CNTN5: variants seen among roughly 807,000 people sequenced by gnomAD.
The protein encoded by CNTN5 is contactin 5.
A neutral mutation model predicts 129.1 loss-of-function variants in CNTN5; 77 were observed. The ratio of observed to expected loss-of-function variants is 0.60; its 90% CI spans 0.50 to 0.72. The LOEUF is 0.72. CNTN5 is among the 30% of genes least tolerant of loss of function. The probability of loss-of-function intolerance (pLI) is 0.00; values close to 1 mark genes in which losing one functional copy is unlikely to be tolerated. For synonymous variants in CNTN5, 509 were observed against 465.6 expected (o/e 1.09, Z -1.20); for missense variants, 1,478 against 1,328.8 (o/e 1.11, Z -1.75).
chr11:99,266,591 G>A (rs1449754145), intron 1 of CNTN5, among the ~76,000 whole-genome samples: 1 of 152,028 alleles, frequency 6.6e-6, no homozygotes, highest in South Asian at 2.1e-4. Flanking sequence ...AACAGAGCAA[G>A]ATCTTGTCTT....
rs116591618 is a variant in CNTN5 at position 99,498,300 on chromosome 11, G to A, written c.-70-57845G>A. ...ATTATCGCAGTTCAGTGTAAAGTCA[G>A]TGTGTCATTTGTTGCTATAGTTTTC... On this transcript the variant is annotated intron_variant, in intron 2 of 24. Coordinates refer to ENST00000524871, the MANE Select transcript of CNTN5 (RefSeq NM_014361.4). 5.9e-3 allele frequency among the ~76,000 whole-genome samples: 904 copies of A among 152,198 alleles called. 11 individuals are homozygous for A. The highest frequency in any genetic ancestry group is 0.021 in the African/African-American group (862 of 41,528).
chr11:99,287,398 T>C (rs1863983348), intron 1 of CNTN5, among the ~76,000 whole-genome samples: 1 of 152,068 alleles, frequency 6.6e-6, no homozygotes, highest in Non-Finnish European at 1.5e-5. Context: ...AAATAGTGCC[T>C]TTCAGATTAA....
chr11:99,234,264 G>C (rs961331128), intron 1 of CNTN5, among the ~76,000 whole-genome samples: 1 of 151,970 alleles, frequency 6.6e-6, no homozygotes, highest in East Asian at 1.9e-4. Flanking sequence ...TGTTGGACGG[G>C]GACGGGGGAT....
chr11:99,960,562 A>T (rs191755466), intron 8 of CNTN5, among the ~76,000 whole-genome samples: 4 of 152,264 alleles, frequency 2.6e-5, no homozygotes, highest in African/African-American at 9.6e-5. Flanking sequence ...TGTGTTTTTC[A>T]TACTAACTGA....
At chr11:99,970,396 T>G (rs746805385) in intron 8 of CNTN5, among the ~76,000 whole-genome samples, 2 of 152,224 alleles carry the variant, frequency 1.3e-5, no homozygotes, top group Admixed American at 6.5e-5. Context: ...CTACAATCTA[T>G]TTGCCTAATT....
intron 13 of CNTN5, among the ~76,000 whole-genome samples, chr11:100,148,733 ACG>A (rs1433120122): frequency 1.4e-5 from 2 of 142,754 alleles, no homozygotes; most frequent in Non-Finnish European, 3.0e-5. Flanking sequence ...ACAAACAAAC[ACG>A]TGTGGATAAT....
rs189488284 is a variant in CNTN5, at chr11:99,200,047, A to C, written c.-209-125299A>C. Among the ~76,000 whole-genome samples, 8 of 152,276 alleles carry C rather than the reference A, an allele frequency of 5.3e-5. No homozygotes were observed. In the South Asian group the frequency reaches 8.3e-4, roughly 16 times the overall value. On this transcript the variant is annotated intron_variant, in intron 1 of 24. Coordinates refer to ENST00000524871, the MANE Select transcript of CNTN5 (RefSeq NM_014361.4). ...CTGTTTCCTACTGTATTGCTTCCCA[A>C]TACTATACAGATTACCTAAATTTGT...
intron 2 of CNTN5, among the ~76,000 whole-genome samples, chr11:99,479,691 G>A (rs1294379491): frequency 6.6e-6 from 1 of 151,948 alleles, no homozygotes; most frequent in East Asian, 1.9e-4. Context: ...TTAAGTGATG[G>A]AACAGGCTCC....
At chr11:100,045,314 T>C (rs1942607831) in intron 9 of CNTN5, among the ~76,000 whole-genome samples, 3 of 152,166 alleles carry the variant, frequency 2.0e-5, no homozygotes, top group East Asian at 1.9e-4. Context: ...ATTTTAACTT[T>C]AGTCACCATG....
chr11:99,829,990 G>A (rs528921964), intron 4 of CNTN5, among the ~76,000 whole-genome samples: 1 of 152,122 alleles, frequency 6.6e-6, no homozygotes, highest in African/African-American at 2.4e-5. Flanking sequence ...TTTAGTAGGA[G>A]TAAACTTAAT....
intron 1 of CNTN5, among the ~76,000 whole-genome samples, chr11:99,147,591 T>A (rs2135479292): frequency 6.6e-6 from 1 of 152,276 alleles, no homozygotes; most frequent in South Asian, 2.1e-4. Context: ...ATAATATGTT[T>A]TTGAGAGAGC....
At chr11:99,778,639 G>T (rs112891648) in intron 3 of CNTN5, among the ~76,000 whole-genome samples, 2,780 of 151,568 alleles carry the variant, frequency 0.018, 60 homozygotes, top group Middle Eastern at 0.034. Context: ...GTTCATCATA[G>T]GTTAAAGCCC....
At chr11:100,146,675 T>A (rs1382201328) in intron 13 of CNTN5, among the ~76,000 whole-genome samples, 2 of 152,154 alleles carry the variant, frequency 1.3e-5, no homozygotes, top group African/African-American at 4.8e-5. Context: ...TATTCACTGT[T>A]GAAAATATAA....
intron 15 of CNTN5, among the ~76,000 whole-genome samples, chr11:100,221,965 C>T (rs1463850983): frequency 3.3e-5 from 5 of 152,176 alleles, no homozygotes; most frequent in Admixed American, 6.5e-5. Context: ...TGGAGGTTCT[C>T]TCTCAGGAAC....
intron 8 of CNTN5, among the ~76,000 whole-genome samples, chr11:99,983,062 A>G (rs1384743236): frequency 6.6e-6 from 1 of 152,212 alleles, no homozygotes; most frequent in Admixed American, 6.5e-5. Flanking sequence ...AATAAACTTC[A>G]TTTCTTCACT....
chr11:100,261,507 A>C (rs1950196547), intron 17 of CNTN5, among the ~76,000 whole-genome samples: 1 of 152,216 alleles, frequency 6.6e-6, no homozygotes, highest in Non-Finnish European at 1.5e-5. Flanking sequence ...CTAAGCAAAA[A>C]GAACAAACCT....
chr11:100,042,685 A>G (rs1436727202), intron 9 of CNTN5, among the ~76,000 whole-genome samples: 1 of 152,242 alleles, frequency 6.6e-6, no homozygotes, highest in Non-Finnish European at 1.5e-5. Context: ...CACTTTCCAT[A>G]CTTTCAAGAA....
rs1262339087 is a variant in CNTN5, at chr11:100,092,990, C to G, written c.1580+18696C>G. Reference sequence around the variant, plus strand: ...TGGTTTTGGAGAAAAAGCTAAGTTCCATCCTCTTGCCTCATTTCATGGGTC... The same window carrying G: ...TGGTTTTGGAGAAAAAGCTAAGTTCGATCCTCTTGCCTCATTTCATGGGTC... On this transcript the variant is annotated intron_variant, in intron 13 of 24. Transcript: ENST00000524871. 3.3e-5 allele frequency among the ~76,000 whole-genome samples: 5 copies of G among 152,198 alleles called. No homozygotes were observed. The East Asian group carries it at 7.8e-4, about 24-fold the overall frequency.
chr11:99,628,737 G>T (rs669951), intron 3 of CNTN5, among the ~76,000 whole-genome samples: 92,684 of 151,278 alleles, frequency 0.61, 29,263 homozygotes, highest in Admixed American at 0.74. Flanking sequence ...AGCTAACAAA[G>T]GGCACAGGGA....
Sources: gnomAD v4.1 joint callset for allele counts (sites outside exome capture counted in the v4.1 genomes callset) on GRCh38, gnomAD v4.1.1 for gene constraint, MANE v1.5 for transcripts, NCBI Gene and HGNC (gene_info 2026-07-23, HGNC 2026-07-21) for gene names.